The following KMT2C variants were observed in gnomAD, a reference collection of about 807,000 sequenced individuals.
KMT2C encodes histone-lysine N-methyltransferase 2C.
In KMT2C, 88 loss-of-function variants were observed where a neutral mutation model predicts 507.9. The observed-to-expected ratio is 0.17, with a 90% CI of 0.15 to 0.21. The LOEUF is 0.21. Ranked by LOEUF, KMT2C falls within the 10% of genes least tolerant of loss-of-function variation. The probability of loss-of-function intolerance (pLI) is 1.00; values close to 1 mark genes in which losing one functional copy is unlikely to be tolerated. For missense variants in KMT2C, 4,954 were observed against 5,957.8 expected (o/e 0.83, Z 5.55); for synonymous variants, 2,049 against 2,080.8 (o/e 0.98, Z 0.42).
At chr7:152,284,972 T>A (rs905516647) in intron 6 of KMT2C, among the ~76,000 whole-genome samples, 5 of 152,108 alleles carry the variant, frequency 3.3e-5, no homozygotes, top group Admixed American at 2.0e-4. Context: ...CGGAGAAGTA[T>A]ACAGACACTT....
At chr7:152,309,709 A>C (rs1258098077) in intron 6 of KMT2C, among the ~76,000 whole-genome samples, 1 of 151,366 alleles carries the variant, frequency 6.6e-6, no homozygotes, top group Non-Finnish European at 1.5e-5. Context: ...TTGGTAGAGA[A>C]GGGGTTTTAC....
intron 1 of KMT2C, among the ~76,000 whole-genome samples, chr7:152,409,828 T>TA (rs2097663063): frequency 6.6e-6 from 1 of 152,228 alleles, no homozygotes; most frequent in African/African-American, 2.4e-5. Flanking sequence ...ATCATGGAAT[T>TA]AAACACACAT....
intron 6 of KMT2C, among the ~76,000 whole-genome samples, chr7:152,294,236 T>C (rs180918852): frequency 2.6e-4 from 39 of 152,348 alleles, no homozygotes; most frequent in Admixed American, 1.9e-3. Context: ...TAGGATTATC[T>C]TGCTGTACCG....
In KMT2C at chr7:152,187,374, G is replaced by C. The variant is rs2129124666; in HGVS notation, c.4896C>G (p.Ala1632=). Reference sequence around the variant, plus strand: ...TCTCCCACTTAAGCGTGCTTCTCTGGGCATTCGACATTGTGTCATTTTCTC... The same window carrying C: ...TCTCCCACTTAAGCGTGCTTCTCTGCGCATTCGACATTGTGTCATTTTCTC... ...VEGENDTMSN[A]QRSTLKWEKE... The change falls in exon 33 of 59, where the codon GCC becomes GCG. Residue 1632 remains alanine, a synonymous_variant. Transcript: ENST00000262189. 1 of 1,613,994 alleles carries C rather than the reference G, an allele frequency of 6.2e-7. No homozygotes were observed. Among genetic ancestry groups the C allele is most frequent in the Non-Finnish European group, 8.5e-7 (1 of 1,179,968 alleles).
rs141376602 is a variant in KMT2C, at chr7:152,363,946, G to A, written c.162-5271C>T. Among the ~76,000 whole-genome samples the A allele has an allele frequency of 6.6e-5, 10 of 152,260 alleles. No homozygotes were observed. In the East Asian group the frequency reaches 1.7e-3, roughly 26 times the overall value. The stretch of plus-strand genomic sequence containing the variant: ...TCAACTGTATTGTCTCTAGCCAACT[G>A]TATTGTCTTTAGCCAGAGTGGCAAG... On this transcript the variant is annotated intron_variant, in intron 1 of 58. Transcript: ENST00000262189.
chr7:152,221,477 T>C (rs890303955), intron 22 of KMT2C, among the ~76,000 whole-genome samples: 4 of 152,192 alleles, frequency 2.6e-5, no homozygotes, highest in African/African-American at 9.6e-5. Flanking sequence ...AATAAATAAG[T>C]ACAAATCCTG....
Position 152,216,447 on chromosome 7 carries a change from G to C in KMT2C, c.3712+4076C>G, listed in dbSNP as rs186645709. On this transcript the variant is annotated intron_variant, in intron 23 of 58. Coordinates refer to ENST00000262189, the MANE Select transcript of KMT2C (RefSeq NM_170606.3). ...CACAGTTTGGATTCTGTAGATGTGT[G>C]TAATATAATGTGTAATATTACATTC... Among the ~76,000 whole-genome samples the C allele has an allele frequency of 7.1e-4, 108 of 152,254 alleles. No homozygotes were observed. In the Middle Eastern group the frequency reaches 0.017, roughly 24 times the overall value.
rs918346049 is a variant in KMT2C at position 152,356,906 on chromosome 7, T to G, written c.250+1681A>C. ...GACTCCAACTCAAAAAGAATAATAATAATAATAATAATAATAATAATAATA... is the reference window on the plus strand; with the variant it reads ...GACTCCAACTCAAAAAGAATAATAAGAATAATAATAATAATAATAATAATA... On this transcript the variant is annotated intron_variant, in intron 2 of 58. Transcript: ENST00000262189. Among the ~76,000 whole-genome samples, 7 of 136,002 alleles carry G rather than the reference T, an allele frequency of 5.1e-5. No individual in the cohort carries two copies. The East Asian group carries it at 6.4e-4, about 12-fold the overall frequency. The allele number at this position is 136,002 out of a possible 152,430, so 89.2% of individuals were successfully genotyped here. A position where few individuals can be genotyped will look rare whatever the true frequency, so the allele number is the denominator to read the frequency against.
rs2091347089 is a variant in KMT2C, at chr7:152,148,433, G to A, written c.13494C>T (p.Asp4498=). 5 of 1,614,246 alleles carry A rather than the reference G, an allele frequency of 3.1e-6. No individual in the cohort carries two copies. Among genetic ancestry groups the A allele is most frequent in the Admixed American group, 1.7e-5 (1 of 60,026 alleles). ...AIKAQCMFFK[D]KTMLCPMHKP... is the part of the protein sequence containing the mutation. ...TGTGCATGGGGCAAAGCATAGTTTT[G>A]TCCTTAAAAAACATGCATTGTGCTT... Residue 4498 remains aspartate, a synonymous_variant, in exon 52 of 59, where the codon GAC becomes GAT. Transcript: ENST00000262189. The surrounding 1 kb of genome is among the most constrained non-coding windows in gnomAD (Gnocchi z 7.1).
chr7:152,253,417 G>A (rs1345557870), intron 9 of KMT2C, among the ~76,000 whole-genome samples: 1 of 137,482 alleles, frequency 7.3e-6, no homozygotes, highest in East Asian at 2.3e-4. Context: ...GTTGATGCCA[G>A]TAATCCCAGC....
At chr7:152,296,977 TAAAAAGAAAGAAAGAAAG>T (rs2096504050) in intron 6 of KMT2C, among the ~76,000 whole-genome samples, 1 of 46,262 alleles carries the variant, frequency 2.2e-5, no homozygotes, top group African/African-American at 6.8e-5. Flanking sequence ...CCATCACCAC[TAAAAAGAAAGAAAGAAAG>T]AAAAAGAAAG....
chr7:152,333,236 A>C (rs2129213799), intron 2 of KMT2C, among the ~76,000 whole-genome samples: 1 of 151,930 alleles, frequency 6.6e-6, no homozygotes, highest in South Asian at 2.1e-4. Context: ...GGGCTCAAGA[A>C]TCCTCCCACC....
chr7:152,269,632 G>C (rs1041926207), intron 7 of KMT2C, among the ~76,000 whole-genome samples: 18 of 152,252 alleles, frequency 1.2e-4, no homozygotes, highest in African/African-American at 4.3e-4. Flanking sequence ...GTAAATTCCA[G>C]GTCTATTTGG....
chr7:152,243,510 G>C (rs969969785), intron 14 of KMT2C, among the ~76,000 whole-genome samples: 1 of 152,136 alleles, frequency 6.6e-6, no homozygotes, highest in South Asian at 2.1e-4. Flanking sequence ...GGCTGGGCGT[G>C]GTGGCTCACC....
chr7:152,233,027 C>T (rs539394071), intron 16 of KMT2C, among the ~76,000 whole-genome samples: 3 of 152,142 alleles, frequency 2.0e-5, no homozygotes, highest in South Asian at 4.1e-4. Flanking sequence ...AAATGATAAA[C>T]AATATATTCC....
intron 9 of KMT2C, among the ~76,000 whole-genome samples, chr7:152,253,237 T>A (rs1333006009): frequency 6.6e-6 from 1 of 151,936 alleles, no homozygotes; most frequent in Admixed American, 6.6e-5. Context: ...CAGGAAAATT[T>A]AAATAAGGGA....
intron 44 of KMT2C, among the ~76,000 whole-genome samples, chr7:152,156,615 T>C (rs1209644194): frequency 2.0e-5 from 3 of 152,242 alleles, no homozygotes; most frequent in Non-Finnish European, 4.4e-5. Flanking sequence ...ATTTCCTTTC[T>C]ACCTGATTTT....
chr7:152,173,404 A>G (rs1478117857), intron 39 of KMT2C, among the ~76,000 whole-genome samples: 3 of 152,212 alleles, frequency 2.0e-5, no homozygotes, highest in African/African-American at 7.2e-5. Context: ...CTTGCTAAAA[A>G]TACAGACACA....
intron 1 of KMT2C, among the ~76,000 whole-genome samples, chr7:152,391,377 A>C (rs1027077321): frequency 6.2e-5 from 9 of 145,024 alleles, no homozygotes; most frequent in Non-Finnish European, 9.1e-5. Context: ...CGAGTAGCTG[A>C]GATTATGGTG....
Sources: gnomAD v4.1 joint callset for allele counts (sites outside exome capture counted in the v4.1 genomes callset) on GRCh38, gnomAD v4.1.1 for gene constraint, Gnocchi (gnomAD v3.1) non-coding constraint, MANE v1.5 for transcripts, NCBI Gene and HGNC (gene_info 2026-07-23, HGNC 2026-07-21) for gene names.